Variants in DLGAP2 observed in about 807,000 individuals in gnomAD.
DLGAP2 encodes the protein DLG associated protein 2.
DLGAP2 carries 26 observed loss-of-function variants against 100.3 expected under a neutral mutation model. That is an observed-to-expected ratio of 0.26 (90% CI 0.19 to 0.36). DLGAP2 has a LOEUF of 0.36. DLGAP2 is among the 10% of genes least tolerant of loss of function. The pLI, the probability that DLGAP2 is intolerant of heterozygous loss-of-function variation, is 1.00. For synonymous variants in DLGAP2, 886 were observed against 630.1 expected, an observed-to-expected ratio of 1.41 and a Z score of -6.08; for missense variants, 1,858 against 1,453.2, an observed-to-expected ratio of 1.28 and a Z score of -4.53.
intron 2 of DLGAP2, among the ~76,000 whole-genome samples, chr8:1,232,758 T>C (rs915126185): frequency 2.6e-5 from 4 of 152,236 alleles, no homozygotes; most frequent in African/African-American, 7.2e-5. Flanking sequence ...CACACATTCA[T>C]TTCTTCCACT....
chr8:1,377,416 C>T (rs912131081), intron 3 of DLGAP2, among the ~76,000 whole-genome samples: 4 of 152,288 alleles, frequency 2.6e-5, no homozygotes, highest in South Asian at 2.1e-4. Context: ...AGGTGGCAGG[C>T]GCCTATAGTC....
rs74709724 is a variant in DLGAP2, at chr8:1,410,446, A to T, written c.107-90920A>T. Among the ~76,000 whole-genome samples, 533 of 152,270 alleles carry T rather than the reference A, an allele frequency of 3.5e-3. 9 individuals carry two copies. The East Asian group carries it at 0.048, about 14-fold the overall frequency. On this transcript the variant is annotated intron_variant, in intron 3 of 14. Transcript: ENST00000637795. Reference sequence around the variant, plus strand: ...TTATTCTCTCCCCTCAGTTCACATAATTCTGTAGCAGTAACTTACTGTCAT... The same window carrying T: ...TTATTCTCTCCCCTCAGTTCACATATTTCTGTAGCAGTAACTTACTGTCAT...
At chr8:951,061 A>C (rs986921335) in intron 2 of DLGAP2, among the ~76,000 whole-genome samples, 1 of 152,240 alleles carries the variant, frequency 6.6e-6, no homozygotes, top group African/African-American at 2.4e-5. Context: ...TGTAAATAGC[A>C]TAAGAATATG....
intron 3 of DLGAP2, among the ~76,000 whole-genome samples, chr8:1,453,470 T>C (rs531927888): frequency 1.2e-3 from 177 of 152,130 alleles, no homozygotes; most frequent in African/African-American, 4.1e-3. Context: ...GAGAACGGAG[T>C]GTATGCTGGA....
chr8:1,177,212 C>T (rs962116970), intron 2 of DLGAP2, among the ~76,000 whole-genome samples: 3 of 152,168 alleles, frequency 2.0e-5, no homozygotes, highest in Non-Finnish European at 4.4e-5. Flanking sequence ...TGCAGTTCAG[C>T]TATGCGGTTT....
chr8:752,493 G>C (rs1820816471), intron 1 of DLGAP2, among the ~76,000 whole-genome samples: 1 of 152,212 alleles, frequency 6.6e-6, no homozygotes, highest in African/African-American at 2.4e-5. Flanking sequence ...CCTGATGGCA[G>C]GGCCCGGTCA....
intron 3 of DLGAP2, among the ~76,000 whole-genome samples, chr8:1,453,448 A>G (rs11136393): frequency 0.59 from 89,700 of 152,030 alleles, 26,952 homozygotes; most frequent in East Asian, 0.87. Flanking sequence ...TAATTATTCC[A>G]TACCTAACAG....
intron 2 of DLGAP2, among the ~76,000 whole-genome samples, chr8:1,140,617 A>G (rs567961813): frequency 6.6e-6 from 1 of 151,986 alleles, no homozygotes; most frequent in African/African-American, 2.4e-5. Flanking sequence ...TCACTCAGCC[A>G]GGCTGGGAGC....
At chr8:1,264,882 C>G (rs563765779) in intron 3 of DLGAP2, among the ~76,000 whole-genome samples, 1 of 152,128 alleles carries the variant, frequency 6.6e-6, no homozygotes, top group African/African-American at 2.4e-5. Flanking sequence ...GTGCTGTTCT[C>G]GTGATAGTGA....
intron 4 of DLGAP2, among the ~76,000 whole-genome samples, chr8:1,514,145 C>G (rs1392855039): frequency 3.9e-5 from 6 of 152,244 alleles, no homozygotes; most frequent in Non-Finnish European, 7.3e-5. Context: ...GCAAAGCCTG[C>G]ACCCAATTAG....
intron 2 of DLGAP2, among the ~76,000 whole-genome samples, chr8:1,209,161 C>A (rs903780798): frequency 6.6e-6 from 1 of 152,014 alleles, no homozygotes; most frequent in Non-Finnish European, 1.5e-5. Context: ...TCCTAAAATT[C>A]ATATGGAACC....
At chr8:1,537,419 C>G (rs1276366088) in intron 4 of DLGAP2, among the ~76,000 whole-genome samples, 2 of 152,106 alleles carry the variant, frequency 1.3e-5, no homozygotes, top group Admixed American at 6.5e-5. Context: ...CCTTGAGTTC[C>G]AAATGATATC....
chr8:1,211,866 CT>C (rs1459295607), intron 2 of DLGAP2, among the ~76,000 whole-genome samples: 2 of 152,198 alleles, frequency 1.3e-5, no homozygotes, highest in African/African-American at 2.4e-5. Context: ...CAGAGCGAGA[CT>C]TCGTCTCAAA....
chr8:1,055,073 A>G (rs1393327959), intron 2 of DLGAP2, among the ~76,000 whole-genome samples: 1 of 152,234 alleles, frequency 6.6e-6, no homozygotes, highest in Non-Finnish European at 1.5e-5. Context: ...TAAGATGTTT[A>G]TAAGGATCAA....
intron 1 of DLGAP2, among the ~76,000 whole-genome samples, chr8:839,318 A>G (rs1796939009): frequency 6.6e-6 from 1 of 152,358 alleles, no homozygotes; most frequent in African/African-American, 2.4e-5. Flanking sequence ...TAGCCAAGAT[A>G]TAGAATCATT....
intron 8 of DLGAP2, among the ~76,000 whole-genome samples, chr8:1,648,620 A>C (rs1798096140): frequency 6.6e-6 from 1 of 152,072 alleles, no homozygotes; most frequent in Non-Finnish European, 1.5e-5. Flanking sequence ...GATTCGCTCA[A>C]GTCTGCAGAC....
intron 4 of DLGAP2, among the ~76,000 whole-genome samples, chr8:1,544,825 C>T (rs780743632): frequency 6.6e-6 from 1 of 151,800 alleles, no homozygotes. Flanking sequence ...TTCTGCCTCC[C>T]GGGTTCAAGC....
chr8:996,577 C>T (rs1275260556), intron 2 of DLGAP2, among the ~76,000 whole-genome samples: 1 of 152,176 alleles, frequency 6.6e-6, no homozygotes, highest in Non-Finnish European at 1.5e-5. Context: ...TCTCAGTTCT[C>T]TCATGATGGA....
chr8:1,281,391 C>T (rs1042507305), intron 3 of DLGAP2, among the ~76,000 whole-genome samples: 2 of 152,142 alleles, frequency 1.3e-5, no homozygotes, highest in Non-Finnish European at 2.9e-5. Context: ...GATTCCTAGT[C>T]CCTTAGGCGC....
Sources: gnomAD v4.1 joint callset for allele counts (sites outside exome capture counted in the v4.1 genomes callset) on GRCh38, gnomAD v4.1.1 for gene constraint, MANE v1.5 for transcripts, NCBI Gene and HGNC (gene_info 2026-07-23, HGNC 2026-07-21) for gene names.